Variants in CEP350 observed in about 807,000 individuals in gnomAD.
The protein encoded by CEP350 is centrosomal protein 350.
In CEP350, 126 loss-of-function variants were observed where a neutral mutation model predicts 331.8. That is an observed-to-expected ratio of 0.38 (90% CI 0.33 to 0.44). The LOEUF (loss-of-function observed/expected upper bound fraction) is 0.44. CEP350 is among the 20% of genes least tolerant of loss of function. CEP350 has a pLI of 1.00. For synonymous variants in CEP350, 1,200 were observed against 1,259.5 expected (o/e 0.95, Z 1.00); for missense variants, 3,406 against 3,634.6 (o/e 0.94, Z 1.62).
At chr1:180,095,310 TCAG>T (rs1028475669) in intron 34 of CEP350, 3 of 453,980 alleles carry the variant, frequency 6.6e-6, no homozygotes, top group Non-Finnish European at 1.1e-5. Flanking sequence ...TTATAAAAAT[TCAG>T]TTATATGCAA....
intron 25 of CEP350, among the ~76,000 whole-genome samples, chr1:180,057,659 T>C (rs1289218460): frequency 1.3e-5 from 2 of 152,094 alleles, no homozygotes; most frequent in Non-Finnish European, 2.9e-5. Flanking sequence ...TATCCTTTCT[T>C]TTGCTATTTT....
At chr1:179,959,976 A>T (rs1650465774) in intron 1 of CEP350, among the ~76,000 whole-genome samples, 1 of 152,292 alleles carries the variant, frequency 6.6e-6, no homozygotes, top group Admixed American at 6.5e-5. Flanking sequence ...GTACTTGGAA[A>T]CTGCAACTTC....
chr1:180,044,133 A>G lies in CEP350; in HGVS notation c.4582A>G (p.Ser1528Gly). 1 of 1,566,884 alleles carries G rather than the reference A, an allele frequency of 6.4e-7. No individual in the cohort carries two copies. Among genetic ancestry groups the G allele is most frequent in the Non-Finnish European group, 8.7e-7 (1 of 1,154,094 alleles). ...KHQKYSASYDSYSESSGYKNH... is the reference protein window; with the variant it reads ...KHQKYSASYDGYSESSGYKNH... ...TCAGAAGTATTCTGCTTCATATGAT[A>G]GTTATTCTGAGTCTTCAGGATACAA... Residue 1528 changes from serine to glycine, a missense_variant, in exon 21 of 38, where the codon AGT becomes GGT. Coordinates refer to ENST00000367607, the MANE Select transcript of CEP350 (RefSeq NM_014810.5).
chr1:179,959,289 C>T (rs1650411469), intron 1 of CEP350, among the ~76,000 whole-genome samples: 1 of 152,034 alleles, frequency 6.6e-6, no homozygotes, highest in South Asian at 2.1e-4. Flanking sequence ...AAACCCATCT[C>T]TACTAAAAAT....
chr1:180,075,122 C>G lies in CEP350; in HGVS notation c.5668C>G (p.Arg1890Gly), dbSNP rs148196085. ...TTTAGATGCAGAAGAAGCAGAAATT[C>G]GTCAAATGGAAAAACAAGCTTTGGC... ...RRLDAEEAEI[R>G]QMEKQALAAW... Residue 1890 changes from arginine to glycine, a missense_variant, in exon 28 of 38, where the codon CGT becomes GGT. Transcript: ENST00000367607. 1 of 1,613,504 alleles carries G rather than the reference C, an allele frequency of 6.2e-7. No homozygotes were observed. The highest frequency in any genetic ancestry group is 2.2e-5 in the East Asian group (1 of 44,878).
rs561479347 is a variant in CEP350, at chr1:179,991,356, G to A, written c.236-706G>A. On this transcript the variant is annotated intron_variant, in intron 4 of 37. Transcript: ENST00000367607. ...TTTTGAGACAGAGTCTCACTCTGTC[G>A]CCCAGGCTGAAGTGCAGTGGCATGA... Among the ~76,000 whole-genome samples the A allele has an allele frequency of 4.0e-3, 515 of 130,058 alleles. 3 individuals carry two copies. Among genetic ancestry groups the A allele is most frequent in the African/African-American group, 0.014 (486 of 34,152 alleles). 85.3% of individuals were successfully genotyped at this position (130,058 alleles called of 152,430 possible). A position where few individuals can be genotyped will look rare whatever the true frequency, so the allele number is the denominator to read the frequency against.
intron 28 of CEP350, among the ~76,000 whole-genome samples, chr1:180,077,533 G>A (rs1399093397): frequency 6.6e-6 from 1 of 151,870 alleles, no homozygotes; most frequent in African/African-American, 2.4e-5. Flanking sequence ...CGGGCATGGT[G>A]GCGCAGGCCT....
intron 1 of CEP350, among the ~76,000 whole-genome samples, chr1:179,982,456 TTTATATTAAAGATGATTGCCCA>T (rs1652345416): frequency 6.6e-6 from 1 of 152,202 alleles, no homozygotes; most frequent in Non-Finnish European, 1.5e-5. Context: ...TATTTAGTAA[TTTATATTAAAGATGATTGCCCA>T]TTAATAGGGT....
At position 180,037,029 on chromosome 1, in the gene CEP350, A is replaced by G. The variant is rs766338873; in HGVS notation, c.4050A>G (p.Glu1350=). 6.2e-6 allele frequency: 10 copies of G among 1,605,212 alleles called. No individual in the cohort carries two copies. Among genetic ancestry groups the G allele is most frequent in the African/African-American group, 5.3e-5 (4 of 74,836 alleles). Residue 1350 remains glutamate (E), a synonymous_variant, in exon 17 of 38, where the codon GAA becomes GAG. Coordinates refer to ENST00000367607, the MANE Select transcript of CEP350 (RefSeq NM_014810.5). ...CGGTGCGCCAACTGTCAGATGTAGAAAGAGTTAGAGGCATTTCACTTGCTC... is the reference window on the plus strand; with the variant it reads ...CGGTGCGCCAACTGTCAGATGTAGAGAGAGTTAGAGGCATTTCACTTGCTC... ...EESVRQLSDV[E]RVRGISLAQQ...
intron 32 of CEP350, among the ~76,000 whole-genome samples, chr1:180,089,655 G>A (rs936862764): frequency 7.2e-5 from 11 of 152,064 alleles, no homozygotes; most frequent in African/African-American, 2.7e-4. Context: ...ATGACTCCCG[G>A]GTTTCTCTTA....
In CEP350 at chr1:179,985,723, G is replaced by A. The variant is rs555301860; in HGVS notation, c.-13-446G>A. Among the ~76,000 whole-genome samples the A allele has an allele frequency of 7.6e-4, 115 of 151,834 alleles. 2 individuals carry two copies. The highest frequency in any genetic ancestry group is 2.6e-3 in the African/African-American group (109 of 41,448). Reference sequence around the variant, plus strand: ...CGCTTATAAAACCGTTAGATCTCACGAGACTCACTTATTATCATGAGAACA... The same window carrying A: ...CGCTTATAAAACCGTTAGATCTCACAAGACTCACTTATTATCATGAGAACA... On this transcript the variant is annotated intron_variant, in intron 1 of 37. Coordinates refer to ENST00000367607, the MANE Select transcript of CEP350 (RefSeq NM_014810.5).
chr1:180,004,876 T>TGGC (rs1399620120), intron 7 of CEP350, among the ~76,000 whole-genome samples: 950 of 69,866 alleles, frequency 0.014, 8 homozygotes, highest in African/African-American at 0.026. Context: ...GCTGGCTGGC[T>TGGC]TGCTTGCTTG....
In CEP350 at chr1:180,096,103, A is replaced by G. The variant is rs148604954; in HGVS notation, c.8985A>G (p.Gln2995=). Residue 2995 remains glutamine (Q), a synonymous_variant, in exon 36 of 38, where the codon CAA becomes CAG. Transcript: ENST00000367607. ...TTGCTGAGGATCCCAACTTAAATCA[A>G]CCTGTCTGGATGAAGCCATGTAGAA... The part of the protein sequence containing the change: ...EIFAEDPNLN[Q]PVWMKPCRIN... The G allele has an allele frequency of 4.8e-3, 7,426 of 1,559,668 alleles. 27 individuals are homozygous for G. The highest frequency in any genetic ancestry group is 6.7e-3 in the South Asian group (569 of 84,814).
In CEP350 at chr1:180,053,916, G is replaced by A. The variant is rs1161875369; in HGVS notation, c.5156G>A (p.Trp1719Ter). 1 of 1,553,076 alleles carries A rather than the reference G, an allele frequency of 6.4e-7. No homozygotes were observed. The highest frequency in any genetic ancestry group is 1.4e-5 in the African/African-American group (1 of 72,430). ...GAGAAGACTAAGGCTGAATTGGCCT[G>A]GTTAGAGCATCAAAAAAAGTAAGTT... is the stretch of plus-strand genomic sequence containing the variant. The part of the protein sequence containing the change: ...LKEKTKAELA[W>*]LEHQKKHLRD... The change falls in exon 24 of 38, where the codon TGG becomes TAG. Residue 1719 changes from tryptophan (W) to a stop codon, truncating the protein, a stop_gained. Coordinates refer to ENST00000367607, the MANE Select transcript of CEP350 (RefSeq NM_014810.5). LOFTEE classifies it high-confidence loss of function.
chr1:180,087,795 C>T, intron 32 of CEP350, 78 bp downstream of exon 32: 7 of 1,273,722 alleles, frequency 5.5e-6, no homozygotes, highest in Non-Finnish European at 5.1e-6. Context: ...TAGAAGTTAC[C>T]CTTTAAGTAA....
At chr1:180,018,532 C>T (rs1655113734) in intron 11 of CEP350, among the ~76,000 whole-genome samples, 1 of 152,180 alleles carries the variant, frequency 6.6e-6, no homozygotes, top group Non-Finnish European at 1.5e-5. Context: ...TTGTAATAGC[C>T]TATATTCTAA....
chr1:179,971,750 T>G (rs1179025062), intron 1 of CEP350, among the ~76,000 whole-genome samples: 1 of 152,214 alleles, frequency 6.6e-6, no homozygotes, highest in African/African-American at 2.4e-5. Context: ...GATTCTCATA[T>G]CTGCTTCTGT....
At chr1:180,026,397 C>G (rs187155777) in intron 14 of CEP350, among the ~76,000 whole-genome samples, 1 of 152,228 alleles carries the variant, frequency 6.6e-6, no homozygotes, top group African/African-American at 2.4e-5. Flanking sequence ...CTTTTGCCTC[C>G]GCCTCCCAAA....
intron 28 of CEP350, among the ~76,000 whole-genome samples, chr1:180,075,773 A>T (rs1191331733): frequency 6.6e-6 from 1 of 151,684 alleles, no homozygotes; most frequent in Non-Finnish European, 1.5e-5. Context: ...TGAACAACAC[A>T]GTGAAACCCC....
Sources: allele counts gnomAD v4.1 joint callset (sites outside exome capture counted in the v4.1 genomes callset), GRCh38; gene constraint gnomAD v4.1.1; transcripts MANE v1.5; gene names NCBI Gene and HGNC (gene_info 2026-07-23, HGNC 2026-07-21).